The following FKBP8 variants were observed in gnomAD, a reference collection of about 807,000 sequenced individuals.
The protein encoded by FKBP8 is FKBP prolyl isomerase 8, also known as peptidyl-prolyl cis-trans isomerase FKBP8.
FKBP8 carries 5 observed loss-of-function variants against 41.7 expected under a neutral mutation model. That is an observed-to-expected ratio of 0.12 (90% CI 0.06 to 0.25). FKBP8 has a LOEUF of 0.25. FKBP8 is among the 10% of genes least tolerant of loss of function. FKBP8 has a pLI of 1.00. For missense variants in FKBP8, 397 were observed against 563.0 expected (o/e 0.71, Z 2.98); for synonymous variants, 279 against 254.5 (o/e 1.10, Z -0.92).
intron 6 of FKBP8, among the ~76,000 whole-genome samples, chr19:18,534,505 C>A (rs908776086): frequency 6.6e-6 from 1 of 152,172 alleles, no homozygotes; most frequent in Non-Finnish European, 1.5e-5. Context: ...CAGATCTAGG[C>A]ACCCACCTCG....
rs568923687 is a variant in FKBP8, at chr19:18,532,548, T to A, written c.1155+116A>T. 305 of 1,448,680 alleles carry A rather than the reference T, an allele frequency of 2.1e-4. 1 individual carries two copies. The South Asian group carries it at 3.8e-3, about 18-fold the overall frequency. The allele number at this position is 1,448,680 out of a possible 1,614,324, so 89.7% of individuals were successfully genotyped here. On this transcript the variant is annotated intron_variant, in intron 8 of 8. Coordinates refer to ENST00000608443, the MANE Select transcript of FKBP8 (RefSeq NM_012181.5). ...CACACAGGGCTGGGCTCTCTCCACG[T>A]CCCCTGCATCGCCCAGGACGGCCCA...
intron 1 of FKBP8, 123 bp from the exon 2 acceptor site, chr19:18,542,118 C>T (rs1976716605): frequency 7.1e-7 from 1 of 1,403,782 alleles, no homozygotes; most frequent in Non-Finnish European, 9.4e-7. Flanking sequence ...GCCTCAGTTT[C>T]CTCATCTATA....
chr19:18,539,867 T>C, intron 2 of FKBP8, 147 bp from the exon 3 acceptor site: 1 of 888,054 alleles, frequency 1.1e-6, no homozygotes, highest in Non-Finnish European at 1.7e-6. Context: ...AAACTTCCAA[T>C]GGCCACTCTG....
chr19:18,536,612 C>A (rs1255690559), intron 6 of FKBP8, among the ~76,000 whole-genome samples: 1 of 152,190 alleles, frequency 6.6e-6, no homozygotes, highest in African/African-American at 2.4e-5. Context: ...GCCTTGGCCT[C>A]CTGTAATCCC....
chr19:18,541,147 G>T (rs554163770), intron 2 of FKBP8, among the ~76,000 whole-genome samples: 1 of 151,874 alleles, frequency 6.6e-6, no homozygotes, highest in East Asian at 1.9e-4. Context: ...GGGAACATGT[G>T]GGGGCTCATG....
intron 2 of FKBP8, 46 bp from the exon 3 acceptor site, chr19:18,539,766 C>A: frequency 1.9e-6 from 3 of 1,592,878 alleles, no homozygotes; most frequent in Non-Finnish European, 2.6e-6. Flanking sequence ...GCAGCTCAAA[C>A]AGGCACCCGC....
In FKBP8 at chr19:18,532,129, G is replaced by A. The variant is rs748759133; in HGVS notation, c.*40C>T. The A allele has an allele frequency of 3.3e-6, 5 of 1,521,636 alleles. No individual in the cohort carries two copies. The Admixed American group carries it at 5.8e-5, about 18-fold the overall frequency. The allele number at this position is 1,521,636 out of a possible 1,614,324, so 94.3% of individuals were successfully genotyped here. Reference sequence around the variant, plus strand: ...GGGGGAGTTGGGGAGCGCAGGGCAGGGTCCATGGTGTGCAGAGGGGGTGGC... The same window carrying A: ...GGGGGAGTTGGGGAGCGCAGGGCAGAGTCCATGGTGTGCAGAGGGGGTGGC... On this transcript the variant is annotated 3_prime_UTR_variant, in exon 9 of 9. Coordinates refer to ENST00000608443, the MANE Select transcript of FKBP8 (RefSeq NM_012181.5).
chr19:18,539,785 G>GC, intron 2 of FKBP8, 65 bp from the exon 3 acceptor site: 1 of 1,564,582 alleles, frequency 6.4e-7, no homozygotes, highest in Non-Finnish European at 8.7e-7. Flanking sequence ...GCTCCCCTGA[G>GC]CCCCCACTCC....
intron 2 of FKBP8, among the ~76,000 whole-genome samples, chr19:18,541,121 G>A (rs893499530): frequency 1.3e-5 from 2 of 152,004 alleles, no homozygotes; most frequent in African/African-American, 4.8e-5. Flanking sequence ...CAGTTGCTGT[G>A]ATGGGGTATG....
At chr19:18,533,193 A>G in intron 7 of FKBP8, 77 bp downstream of exon 7, 1 of 1,363,076 alleles carries the variant, frequency 7.3e-7, no homozygotes, top group Non-Finnish European at 9.9e-7. Flanking sequence ...AGAGAGCCAC[A>G]GCAAGAAAGA....
chr19:18,539,057 A>G (rs188534537), intron 4 of FKBP8, among the ~76,000 whole-genome samples: 7,833 of 151,116 alleles, frequency 0.052, 672 homozygotes, highest in African/African-American at 0.18. Flanking sequence ...CTCATGATCC[A>G]CCCGCCTTGG....
rs1405192715 is a variant in FKBP8 at position 18,538,969 on chromosome 19, C to A, written c.551+402G>T. 6.6e-6 allele frequency among the ~76,000 whole-genome samples: 1 copy of A among 152,034 alleles called. No homozygotes were observed. Among genetic ancestry groups the A allele is most frequent in the Non-Finnish European group, 1.5e-5 (1 of 68,010 alleles). On this transcript the variant is annotated intron_variant, in intron 4 of 8. Coordinates refer to ENST00000608443, the MANE Select transcript of FKBP8 (RefSeq NM_012181.5). The surrounding 1 kb of genome is among the most constrained non-coding windows in gnomAD (Gnocchi z 4.0). ...AGCTGGGACTACAGGCACCCACCAC[C>A]ACGCCTGGCTAATTTTTTGTATTTT...
At position 18,539,707 on chromosome 19, in the gene FKBP8, C is replaced by T. The variant is rs1218649854; in HGVS notation, c.306G>A (p.Leu102=). 1 of 1,608,140 alleles carries T rather than the reference C, an allele frequency of 6.2e-7. No homozygotes were observed. The highest frequency in any genetic ancestry group is 1.3e-5 in the African/African-American group (1 of 75,054). ...GCCCTGGGACCAGCGTCTTCTTCCT[C>T]AACAGCCCGTTCCCTGCCAGGGTCC... ...EWLDILGNGL[L]RKKTLVPGPP... is the part of the protein sequence containing the mutation. Residue 102 remains leucine (L), a synonymous_variant, in exon 3 of 9, where the codon TTG becomes TTA. Transcript: ENST00000608443.
In FKBP8 at chr19:18,541,712, C is replaced by T; in HGVS notation, c.259G>A (p.Ala87Thr). 3 of 1,612,254 alleles carry T rather than the reference C, an allele frequency of 1.9e-6. No homozygotes were observed. Among genetic ancestry groups the T allele is most frequent in the Non-Finnish European group, 2.5e-6 (3 of 1,178,860 alleles). The change falls in exon 2 of 9, where the codon GCC becomes ACC. Residue 87 changes from alanine (A) to threonine (T), a missense_variant. Ala to Thr is a moderately conservative substitution (Grantham distance 58, BLOSUM62 0). Coordinates refer to ENST00000608443, the MANE Select transcript of FKBP8 (RefSeq NM_012181.5). ...LAAMEPEPAP[A>T]PAPEEWLDIL... ...TCCAGCCACTCTTCTGGGGCCGGGGCTGGGGCGGGCTCGGGCTCCATGGCA... is the reference window on the plus strand; with the variant it reads ...TCCAGCCACTCTTCTGGGGCCGGGGTTGGGGCGGGCTCGGGCTCCATGGCA...
At chr19:18,533,116 G>T in intron 7 of FKBP8, 154 bp downstream of exon 7, 1 of 736,040 alleles carries the variant, frequency 1.4e-6, no homozygotes, top group Non-Finnish European at 2.2e-6. Context: ...CGTCATGAGG[G>T]TCTTCACAAG....
rs753550625 is a variant in FKBP8 at position 18,537,067 on chromosome 19, G to C, written c.945+534C>G. Among the ~76,000 whole-genome samples the C allele has an allele frequency of 6.6e-6, 1 of 152,102 alleles. No individual in the cohort carries two copies. The highest frequency in any genetic ancestry group is 1.5e-5 in the Non-Finnish European group (1 of 68,022). On this transcript the variant is annotated intron_variant, in intron 6 of 8. Coordinates refer to ENST00000608443, the MANE Select transcript of FKBP8 (RefSeq NM_012181.5). This position sits in a 1 kb window ranked among gnomAD's most constrained non-coding sequence, Gnocchi z 4.4. ...TTCAACACTGGGCCAAGCCGGGCAC[G>C]GTGGCTCAGGCCTGTAATCTCAGCA...
rs1458055069 is a variant in FKBP8 at position 18,541,797 on chromosome 19, C to CGGCG, written c.173_174insCGCC (p.Met58IlefsTer11). 3 of 1,613,888 alleles carry CGGCG rather than the reference C, an allele frequency of 1.9e-6. No homozygotes were observed. The highest frequency in any genetic ancestry group is 1.7e-5 in the Admixed American group (1 of 59,980). ...CAGCCTCCTCCGCCGGGGGTTGTCC[C>CGGCG]ATGTCCTCCAGCGGTGGCAGCTCAC... On this transcript the variant is annotated frameshift_variant, in exon 2 of 9. Coordinates refer to ENST00000608443, the MANE Select transcript of FKBP8 (RefSeq NM_012181.5). LOFTEE classifies it high-confidence loss of function.
rs947862094 is a variant in FKBP8 at position 18,531,947 on chromosome 19, G to T, written c.*222C>A. On this transcript the variant is annotated 3_prime_UTR_variant, in exon 9 of 9. Coordinates refer to ENST00000608443, the MANE Select transcript of FKBP8 (RefSeq NM_012181.5). ...GCCCAGCGGGGTAAGGAGGGTGGGGGAAAACTGGGTCTGAAGGAATGAGGG... is the reference window on the plus strand; with the variant it reads ...GCCCAGCGGGGTAAGGAGGGTGGGGTAAAACTGGGTCTGAAGGAATGAGGG... 3 of 567,252 alleles carry T rather than the reference G, an allele frequency of 5.3e-6. No homozygotes were observed. The highest frequency in any genetic ancestry group is 9.6e-6 in the Non-Finnish European group (3 of 314,062). 35.1% of individuals were successfully genotyped at this position (567,252 alleles called of 1,614,324 possible). A position where few individuals can be genotyped will look rare whatever the true frequency, so the allele number is the denominator to read the frequency against.
chr19:18,538,094 C>T lies in FKBP8; in HGVS notation c.772+122G>A, dbSNP rs1976620480. On this transcript the variant is annotated intron_variant, in intron 5 of 8. Coordinates refer to ENST00000608443, the MANE Select transcript of FKBP8 (RefSeq NM_012181.5). The surrounding 1 kb of genome is among the most constrained non-coding windows in gnomAD (Gnocchi z 4.0). ...CCCTAGCTTAGGGGCAGTTGGGGAT[C>T]TACCCATATTCTGGGCTATTCTAGA... 2 of 1,089,716 alleles carry T rather than the reference C, an allele frequency of 1.8e-6. No homozygotes were observed. Among genetic ancestry groups the T allele is most frequent in the Non-Finnish European group, 2.7e-6 (2 of 746,442 alleles). 67.5% of individuals were successfully genotyped at this position (1,089,716 alleles called of 1,614,324 possible).
Sources: allele counts gnomAD v4.1 joint callset (sites outside exome capture counted in the v4.1 genomes callset), GRCh38; gene constraint gnomAD v4.1.1; non-coding constraint Gnocchi (gnomAD v3.1); transcripts MANE v1.5; gene names NCBI Gene and HGNC (gene_info 2026-07-23, HGNC 2026-07-21).